Variants in NSD3 observed in about 807,000 individuals in gnomAD.
The protein encoded by NSD3 is nuclear receptor binding SET domain protein 3.
NSD3 carries 24 observed loss-of-function variants against 160.8 expected under a neutral mutation model. The observed-to-expected ratio is 0.15, with a 90% CI of 0.11 to 0.21. The LOEUF is 0.21. Among genes scored for constraint, NSD3 ranks in the 10% least tolerant of loss-of-function variants. The probability of loss-of-function intolerance (pLI) is 1.00; values close to 1 mark genes in which losing one functional copy is unlikely to be tolerated. For synonymous variants in NSD3, 520 were observed against 600.0 expected (o/e 0.87, Z 1.95); for missense variants, 1,157 against 1,735.9 (o/e 0.67, Z 5.93).
At chr8:38,351,977 A>C (rs1810714365) in intron 1 of NSD3, among the ~76,000 whole-genome samples, 1 of 151,812 alleles carries the variant, frequency 6.6e-6, no homozygotes, top group African/African-American at 2.4e-5. Flanking sequence ...CATACGTAAC[A>C]AACCTGCACA....
rs530404677 is a variant in NSD3 at position 38,288,058 on chromosome 8, A to T, written c.3501+429T>A. On this transcript the variant is annotated intron_variant, in intron 19 of 23. Transcript: ENST00000317025. The surrounding 1 kb of genome is among the most constrained non-coding windows in gnomAD (Gnocchi z 4.5). ...AGACCAGCCTGGGCAATGTAGTGAG[A>T]CCCTATCCAGCTACTCGGGAGGCTG... Among the ~76,000 whole-genome samples, 2 of 151,898 alleles carry T rather than the reference A, an allele frequency of 1.3e-5. No individual in the cohort carries two copies. Among genetic ancestry groups the T allele is most frequent in the East Asian group, 3.9e-4 (2 of 5,154 alleles).
intron 12 of NSD3, among the ~76,000 whole-genome samples, chr8:38,312,427 A>T (rs1809555320): frequency 6.6e-6 from 1 of 152,140 alleles, no homozygotes; most frequent in African/African-American, 2.4e-5. Flanking sequence ...GAGTGTTTTA[A>T]TACTGAGATA....
chr8:38,325,949 A>G (rs923034908), intron 7 of NSD3, among the ~76,000 whole-genome samples: 6 of 152,062 alleles, frequency 3.9e-5, no homozygotes, highest in African/African-American at 1.4e-4. Flanking sequence ...GGAGTTGGAG[A>G]CTAGCCTGGC....
In NSD3 at chr8:38,348,041, C is replaced by T; in HGVS notation, c.131G>A (p.Gly44Asp). The T allele has an allele frequency of 1.2e-6, 2 of 1,614,168 alleles. No homozygotes were observed. The highest frequency in any genetic ancestry group is 1.1e-5 in the South Asian group (1 of 91,084). Residue 44 changes from glycine to aspartate, a missense_variant, in exon 2 of 24, where the codon GGT becomes GAT. This residue lies in a region of NSD3 where 121 missense variants were observed against 177.2 expected (regional missense o/e 0.68). Transcript: ENST00000317025. ...FDNNSDIAED[G>D]GQTPYEATLQ... ...AGTAGCTTCATATGGTGTCTGGCCACCATCTTCAGCAATGTCACTGTTGTT... is the reference window on the plus strand; with the variant it reads ...AGTAGCTTCATATGGTGTCTGGCCATCATCTTCAGCAATGTCACTGTTGTT...
chr8:38,314,382 A>T (rs981912698), intron 12 of NSD3, among the ~76,000 whole-genome samples: 6 of 152,236 alleles, frequency 3.9e-5, no homozygotes, highest in African/African-American at 1.4e-4. Context: ...TAACTCAATT[A>T]ACATACTTTA....
At position 38,336,344 on chromosome 8, in the gene NSD3, T is replaced by C. The variant is rs978515086; in HGVS notation, c.910+961A>G. Among the ~76,000 whole-genome samples, 3 of 152,240 alleles carry C rather than the reference T, an allele frequency of 2.0e-5. No individual in the cohort carries two copies. In the East Asian group the frequency reaches 5.8e-4, roughly 29 times the overall value. ...CTCAGCAATCTACTCCACATCATTC[T>C]TTGGTCAAATCCCAGAAAAGGAGTA... is the stretch of plus-strand genomic sequence containing the variant. On this transcript the variant is annotated intron_variant, in intron 4 of 23. Transcript: ENST00000317025.
In NSD3 at chr8:38,378,519, G is replaced by A. The variant is rs532499796; in HGVS notation, c.-45+3280C>T. On this transcript the variant is annotated intron_variant, in intron 1 of 23. Coordinates refer to ENST00000317025, the MANE Select transcript of NSD3 (RefSeq NM_023034.2). ...TAGCAGGGCGTGGTGGCGGGCGCCT[G>A]TAGTCCCAGCTGCTCCAGAGGCTGA... is the stretch of plus-strand genomic sequence containing the variant. 7.9e-5 allele frequency among the ~76,000 whole-genome samples: 12 copies of A among 152,314 alleles called. No homozygotes were observed. The East Asian group carries it at 2.3e-3, about 29-fold the overall frequency.
chr8:38,313,756 C>G (rs1396119391), intron 12 of NSD3, among the ~76,000 whole-genome samples: 1 of 149,530 alleles, frequency 6.7e-6, no homozygotes, highest in African/African-American at 2.5e-5. Flanking sequence ...CCACTGCACT[C>G]CAGCCTGGGC....
At chr8:38,342,415 T>C (rs1213991944) in intron 2 of NSD3, among the ~76,000 whole-genome samples, 2 of 152,202 alleles carry the variant, frequency 1.3e-5, no homozygotes, top group African/African-American at 4.8e-5. Flanking sequence ...CTCTCCTTAA[T>C]GTTCAATTCA....
chr8:38,369,905 C>T (rs1335782969), intron 1 of NSD3, among the ~76,000 whole-genome samples: 15 of 152,158 alleles, frequency 9.9e-5, no homozygotes, highest in Admixed American at 9.8e-4. Flanking sequence ...AGCGACTCTC[C>T]TGCCTCAGCC....
chr8:38,379,694 C>T (rs1026894383), intron 1 of NSD3, among the ~76,000 whole-genome samples: 6 of 152,114 alleles, frequency 3.9e-5, no homozygotes, highest in Non-Finnish European at 4.4e-5. Flanking sequence ...GAGGATGTTG[C>T]CATTTAGGTA....
intron 1 of NSD3, among the ~76,000 whole-genome samples, chr8:38,374,877 G>A (rs1811350043): frequency 6.6e-6 from 1 of 152,054 alleles, no homozygotes; most frequent in Non-Finnish European, 1.5e-5. Flanking sequence ...GCTGGGGGGC[G>A]CCTGTAGTCC....
chr8:38,309,757 C>T (rs1425180051), intron 12 of NSD3, among the ~76,000 whole-genome samples: 1 of 152,160 alleles, frequency 6.6e-6, no homozygotes, highest in African/African-American at 2.4e-5. Context: ...TTCTATTGTA[C>T]ATTTTATTCA....
intron 16 of NSD3, among the ~76,000 whole-genome samples, chr8:38,294,758 G>A (rs1303566201): frequency 1.3e-5 from 2 of 151,930 alleles, no homozygotes; most frequent in East Asian, 1.9e-4. Flanking sequence ...CAGGAGGATC[G>A]CTTGAGCCCA....
rs751413005 is a variant in NSD3, at chr8:38,326,808, T to C, written c.1630A>G (p.Ile544Val). 7 of 1,613,992 alleles carry C rather than the reference T, an allele frequency of 4.3e-6. No homozygotes were observed. In the East Asian group the frequency reaches 1.1e-4, roughly 26 times the overall value. ...TTTCTCTGGTTTGGTGTAGAAATTA[T>C]AAGCCTGTCTTGCCCCCTGACACTT... is the stretch of plus-strand genomic sequence containing the variant. The part of the protein sequence containing the change: ...EISVRGQDRL[I>V]ISTPNQRNEK... The change falls in exon 7 of 24, where the codon ATA becomes GTA. Residue 544 changes from isoleucine (I) to valine (V), a missense_variant. By Grantham distance (29) the Ile-to-Val change is conservative (BLOSUM62 3). Around this residue, in one of 10 missense-constraint regions of NSD3, gnomAD observed 102 missense variants for 126.5 expected, o/e 0.81. Transcript: ENST00000317025.
chr8:38,349,532 G>A (rs1182550264), intron 1 of NSD3, among the ~76,000 whole-genome samples: 2 of 151,280 alleles, frequency 1.3e-5, no homozygotes, highest in East Asian at 3.9e-4. Context: ...ATTTCTATAG[G>A]ACAGATTTGA....
At chr8:38,303,402 T>C (rs1809320287) in intron 14 of NSD3, 4 of 985,454 alleles carry the variant, frequency 4.1e-6, no homozygotes, top group Non-Finnish European at 2.4e-6. Flanking sequence ...GACACTGCTG[T>C]AGTTAAGAAA....
At chr8:38,314,569 C>T (rs1212277088) in intron 12 of NSD3, 78 bp downstream of exon 12, 6 of 1,590,712 alleles carry the variant, frequency 3.8e-6, no homozygotes, top group Non-Finnish European at 5.1e-6. Flanking sequence ...AACAAGATGT[C>T]CTAGGAGAGG....
At chr8:38,284,922 T>C (rs1808823526) in intron 19 of NSD3, among the ~76,000 whole-genome samples, 1 of 152,226 alleles carries the variant, frequency 6.6e-6, no homozygotes, top group Non-Finnish European at 1.5e-5. Flanking sequence ...CTCATAAACT[T>C]GATACCACTG....
Sources: allele counts gnomAD v4.1 joint callset (sites outside exome capture counted in the v4.1 genomes callset), GRCh38; gene constraint gnomAD v4.1.1; regional missense constraint gnomAD v4.1.1; non-coding constraint Gnocchi (gnomAD v3.1); transcripts MANE v1.5; gene names NCBI Gene and HGNC (gene_info 2026-07-23, HGNC 2026-07-21).